The following DOP1A variants were observed in gnomAD, a reference collection of about 807,000 sequenced individuals.
The protein encoded by DOP1A is protein DOP1A.
A neutral mutation model predicts 267.6 loss-of-function variants in DOP1A; 90 were observed. That is an observed-to-expected ratio of 0.34 (90% CI 0.28 to 0.40). DOP1A has a LOEUF of 0.40. Among genes scored for constraint, DOP1A ranks in the 10% least tolerant of loss-of-function variants. DOP1A has a pLI of 1.00. For missense variants in DOP1A, 2,437 were observed against 2,900.4 expected (o/e 0.84, Z 3.67); for synonymous variants, 932 against 999.1 (o/e 0.93, Z 1.27).
chr6:83,081,165 G>C (rs1423231722), intron 1 of DOP1A, among the ~76,000 whole-genome samples: 1 of 152,100 alleles, frequency 6.6e-6, no homozygotes, highest in African/African-American at 2.4e-5. Context: ...TCTGTTGCCC[G>C]GGCTGGGGTG....
chr6:83,075,239 A>C (rs1296523821), intron 1 of DOP1A, among the ~76,000 whole-genome samples: 1 of 152,182 alleles, frequency 6.6e-6, no homozygotes, highest in African/African-American at 2.4e-5. Context: ...AATTTTTATA[A>C]TGTTTATTGA....
At position 83,118,963 on chromosome 6, in the gene DOP1A, C is replaced by G. The variant is rs1192473489; in HGVS notation, c.856C>G (p.Arg286Gly). 6.2e-7 allele frequency: 1 copy of G among 1,613,442 alleles called. No individual in the cohort carries two copies. Among genetic ancestry groups the G allele is most frequent in the Non-Finnish European group, 8.5e-7 (1 of 1,179,614 alleles). ...GCTAAGGAGGGATATGTCTCTGAATCGAAGACTTTATGCATGGCTTCTTGG... is the reference window on the plus strand; with the variant it reads ...GCTAAGGAGGGATATGTCTCTGAATGGAAGACTTTATGCATGGCTTCTTGG... Reference protein sequence around the residue: ...VVLRRDMSLNRRLYAWLLGFD... With the variant: ...VVLRRDMSLNGRLYAWLLGFD... Residue 286 changes from arginine to glycine, a missense_variant, in exon 8 of 39, where the codon CGA becomes GGA. Coordinates refer to ENST00000349129, the MANE Select transcript of DOP1A (RefSeq NM_015018.4).
intron 1 of DOP1A, among the ~76,000 whole-genome samples, chr6:83,086,901 G>A (rs1192743184): frequency 6.6e-6 from 1 of 150,854 alleles, no homozygotes; most frequent in Non-Finnish European, 1.5e-5. Flanking sequence ...AAGGCTATGG[G>A]TTTTAATTTT....
At chr6:83,119,712 C>A (rs752264980) in intron 8 of DOP1A, 36 bp from the exon 9 acceptor site, 1 of 1,573,398 alleles carries the variant, frequency 6.4e-7, no homozygotes, top group Non-Finnish European at 8.7e-7. Flanking sequence ...TTTGAGAATT[C>A]CATTTTAAGT....
rs746204508 is a variant in DOP1A at position 83,151,963 on chromosome 6, T to C, written c.5985T>C (p.Asn1995=). ...SLEQTTWLRR[N]LEVKPSPKIM... ...AACAGACAACATGGCTGCGACGAAATCTTGAAGTTAAGCCTTCTCCCAAAA... is the reference window on the plus strand; with the variant it reads ...AACAGACAACATGGCTGCGACGAAACCTTGAAGTTAAGCCTTCTCCCAAAA... Residue 1995 remains asparagine, a synonymous_variant, in exon 29 of 39, where the codon AAT becomes AAC. Transcript: ENST00000349129. 1 of 1,613,984 alleles carries C rather than the reference T, an allele frequency of 6.2e-7. No individual in the cohort carries two copies. The highest frequency in any genetic ancestry group is 8.5e-7 in the Non-Finnish European group (1 of 1,179,928).
intron 15 of DOP1A, among the ~76,000 whole-genome samples, chr6:83,127,777 T>A (rs1319077695): frequency 6.6e-6 from 1 of 152,200 alleles, no homozygotes; most frequent in African/African-American, 2.4e-5. Flanking sequence ...TAATGATCAC[T>A]AACACTTAAT....
intron 4 of DOP1A, among the ~76,000 whole-genome samples, chr6:83,107,018 A>G (rs1181420293): frequency 2.6e-5 from 4 of 152,166 alleles, no homozygotes; most frequent in Admixed American, 2.6e-4. Context: ...TGGAGGAGGT[A>G]GAAGTATCGT....
chr6:83,150,628 A>C (rs1425753008), intron 27 of DOP1A, among the ~76,000 whole-genome samples: 1 of 152,192 alleles, frequency 6.6e-6, no homozygotes, highest in Non-Finnish European at 1.5e-5. Flanking sequence ...GTTTCATTTT[A>C]CATATTAGTT....
At chr6:83,142,096 A>C (rs200337475) in intron 24 of DOP1A, 50 bp downstream of exon 24, 1 of 1,593,922 alleles carries the variant, frequency 6.3e-7, no homozygotes, top group Admixed American at 1.8e-5. Flanking sequence ...TGGTGAGTAC[A>C]TGCTAATTTC....
At chr6:83,113,291 G>C in intron 6 of DOP1A, 32 bp from the exon 7 acceptor site, 1 of 1,564,232 alleles carries the variant, frequency 6.4e-7, no homozygotes, top group Non-Finnish European at 8.8e-7. Flanking sequence ...CAGCATAATA[G>C]ACAATAGATG....
At chr6:83,139,951 A>T in intron 21 of DOP1A, 49 bp from the exon 22 acceptor site, 1 of 1,282,360 alleles carries the variant, frequency 7.8e-7, no homozygotes, top group Non-Finnish European at 1.1e-6. Context: ...ATAAAATATG[A>T]ACTATACTAT....
intron 24 of DOP1A, among the ~76,000 whole-genome samples, chr6:83,142,869 A>G (rs961383842): frequency 6.6e-6 from 1 of 152,152 alleles, no homozygotes; most frequent in African/African-American, 2.4e-5. Context: ...GAAATGCTCT[A>G]TATTGAAAAC....
Position 83,151,195 on chromosome 6 carries a change from C to CA in DOP1A, c.5838-397dup, listed in dbSNP as rs573743052. Among the ~76,000 whole-genome samples, 221 of 152,268 alleles carry CA rather than the reference C, an allele frequency of 1.5e-3. 1 individual carries two copies. Among genetic ancestry groups the CA allele is most frequent in the Admixed American group, 3.7e-3 (56 of 15,294 alleles). On this transcript the variant is annotated intron_variant, in intron 27 of 38. Coordinates refer to ENST00000349129, the MANE Select transcript of DOP1A (RefSeq NM_015018.4). The stretch of plus-strand genomic sequence containing the variant: ...TGATATGGGATCTTGCCAGGTTTCC[C>CA]AGGCCAGAGTGCAGTGGTTATTCAC...
chr6:83,118,612 C>T (rs113452450), intron 7 of DOP1A, among the ~76,000 whole-genome samples: 10 of 152,106 alleles, frequency 6.6e-5, no homozygotes, highest in African/African-American at 2.4e-4. Context: ...TGTTTTATGT[C>T]AGAATTTGCT....
At chr6:83,163,258 T>C (rs1784660841) in intron 38 of DOP1A, among the ~76,000 whole-genome samples, 1 of 152,186 alleles carries the variant, frequency 6.6e-6, no homozygotes, top group African/African-American at 2.4e-5. Context: ...ACTGTAGTCC[T>C]GAACACTCTT....
Position 83,119,791 on chromosome 6 carries a change from A to G in DOP1A, c.924A>G (p.Arg308=). Reference sequence around the variant, plus strand: ...CTATCATAGGACCCAGAAGCACAAGACACAGTAATCCTGAAGAACATGCCA... The same window carrying G: ...CTATCATAGGACCCAGAAGCACAAGGCACAGTAATCCTGAAGAACATGCCA... ...NGAIIGPRST[R]HSNPEEHATY... Residue 308 remains arginine, a synonymous_variant, in exon 9 of 39, where the codon AGA becomes AGG. Coordinates refer to ENST00000349129, the MANE Select transcript of DOP1A (RefSeq NM_015018.4). The G allele has an allele frequency of 3.1e-6, 5 of 1,613,172 alleles. No individual in the cohort carries two copies. The highest frequency in any genetic ancestry group is 4.2e-6 in the Non-Finnish European group (5 of 1,179,302).
At chr6:83,166,140 C>T (rs1181255122) in intron 38 of DOP1A, 18 of 457,906 alleles carry the variant, frequency 3.9e-5, no homozygotes, top group East Asian at 2.0e-4. Flanking sequence ...TTCAAAACAA[C>T]GAATTTTTTT....
chr6:83,072,882 G>C (rs991877543), intron 1 of DOP1A: 22 of 224,848 alleles, frequency 9.8e-5, no homozygotes, highest in African/African-American at 5.1e-4. Context: ...GAATGATGCA[G>C]CTGGCACAGT....
Position 83,097,034 on chromosome 6 carries a change from A to C in DOP1A, c.57A>C (p.Ala19=), listed in dbSNP as rs1771624645. ...ACTCCAAATACAGAAACTATGTAGCAGCAATTGACAAAGCACTAAAGAATT... is the reference window on the plus strand; with the variant it reads ...ACTCCAAATACAGAAACTATGTAGCCGCAATTGACAAAGCACTAAAGAATT... ...LSDSKYRNYV[A]AIDKALKNFE... is the part of the protein sequence containing the mutation. Residue 19 remains alanine, a synonymous_variant, in exon 3 of 39, where the codon GCA becomes GCC. Coordinates refer to ENST00000349129, the MANE Select transcript of DOP1A (RefSeq NM_015018.4). 1.9e-6 allele frequency: 3 copies of C among 1,614,026 alleles called. No homozygotes were observed. Among genetic ancestry groups the C allele is most frequent in the African/African-American group, 2.7e-5 (2 of 74,936 alleles).
Sources: allele counts gnomAD v4.1 joint callset (sites outside exome capture counted in the v4.1 genomes callset), GRCh38; gene constraint gnomAD v4.1.1; transcripts MANE v1.5; gene names NCBI Gene and HGNC (gene_info 2026-07-23, HGNC 2026-07-21).